MOV10: variants seen among roughly 807,000 people sequenced by gnomAD.
MOV10 encodes Mov10 RNA helicase.
In MOV10, 39 loss-of-function variants were observed where a neutral mutation model predicts 108.4. That is an observed-to-expected ratio of 0.36 (90% CI 0.28 to 0.47). The LOEUF (loss-of-function observed/expected upper bound fraction) is 0.47, where lower values mean the gene tolerates loss of function less well. MOV10 is among the 20% of genes least tolerant of loss of function. MOV10 has a pLI of 1.00. For synonymous variants in MOV10, 490 were observed against 523.1 expected, an observed-to-expected ratio of 0.94 and a Z score of 0.86; for missense variants, 952 against 1,297.6, an observed-to-expected ratio of 0.73 and a Z score of 4.09.
intron 5 of MOV10, among the ~76,000 whole-genome samples, chr1:112,691,149 C>T (rs1186102454): frequency 6.6e-6 from 1 of 152,028 alleles, no homozygotes; most frequent in East Asian, 1.9e-4. Flanking sequence ...GGTGTGGTGG[C>T]GCATGCCTGT....
In MOV10 at chr1:112,698,408, C is replaced by A. The variant is rs146641181; in HGVS notation, c.2438C>A (p.Pro813His). The A allele has an allele frequency of 6.1e-5, 98 of 1,614,102 alleles. No individual in the cohort carries two copies. The highest frequency in any genetic ancestry group is 7.4e-5 in the Non-Finnish European group (87 of 1,180,046). ...VTSYLKLLLA[P>H]SSKKGKARLS... Reference sequence around the variant, plus strand: ...TCCTACCTGAAGCTGCTCCTGGCCCCCTCCTCCAAGAAGGGCAAAGCTCGC... The same window carrying A: ...TCCTACCTGAAGCTGCTCCTGGCCCACTCCTCCAAGAAGGGCAAAGCTCGC... Residue 813 changes from proline (P) to histidine (H), a missense_variant, in exon 16 of 21, where the codon CCC becomes CAC. Physicochemically the swap from Pro to His is moderately conservative, Grantham distance 77. This residue lies in a region of MOV10 where 453 missense variants were observed against 611.5 expected (regional missense o/e 0.74). Coordinates refer to ENST00000369645, the MANE Select transcript of MOV10 (RefSeq NM_001321324.2).
At position 112,696,166 on chromosome 1, in the gene MOV10, G is replaced by A. The variant is rs765842366; in HGVS notation, c.1798G>A (p.Ala600Thr). Residue 600 changes from alanine (A) to threonine (T), a missense_variant, in exon 12 of 21, where the codon GCA becomes ACA. Ala to Thr is a moderately conservative substitution (Grantham distance 58, BLOSUM62 0). This residue lies in a region of MOV10 where 453 missense variants were observed against 611.5 expected (regional missense o/e 0.74). Transcript: ENST00000369645. ...EDIKPCCNWDAKKGEYVFPAK... is the reference protein window; with the variant it reads ...EDIKPCCNWDTKKGEYVFPAK... ...TCCACAGCCCTGCTGCAACTGGGAC[G>A]CAAAGAAGGGGGAGTATGTATTTCC... is the stretch of plus-strand genomic sequence containing the variant. 8 of 1,613,134 alleles carry A rather than the reference G, an allele frequency of 5.0e-6. No homozygotes were observed. In the East Asian group the frequency reaches 6.7e-5, roughly 13 times the overall value.
At chr1:112,690,377 T>G (rs1355685877) in intron 5 of MOV10, among the ~76,000 whole-genome samples, 2 of 152,186 alleles carry the variant, frequency 1.3e-5, no homozygotes, top group African/African-American at 4.8e-5. Context: ...GTTTTTGTTT[T>G]GAGATGGAGT....
intron 2 of MOV10, among the ~76,000 whole-genome samples, chr1:112,677,395 A>G (rs997525232): frequency 5.9e-5 from 9 of 151,578 alleles, no homozygotes; most frequent in Admixed American, 4.6e-4. Context: ...AGATTAAAGA[A>G]CTTGCCTACA....
intron 7 of MOV10, chr1:112,693,757 C>T (rs1673809992): frequency 9.5e-6 from 3 of 315,284 alleles, no homozygotes; most frequent in Admixed American, 4.0e-5. Flanking sequence ...ACTGAGCTGG[C>T]CAAGAGGGCA....
chr1:112,683,661 G>A (rs1250704817), intron 2 of MOV10, among the ~76,000 whole-genome samples: 1 of 152,154 alleles, frequency 6.6e-6, no homozygotes, highest in East Asian at 1.9e-4. Flanking sequence ...ATCCTTACCA[G>A]TGTTTCGTAT....
At chr1:112,677,381 G>GGGTTTTTTTTTTTTT (rs1185163821) in intron 2 of MOV10, among the ~76,000 whole-genome samples, 248 of 151,828 alleles carry the variant, frequency 1.6e-3, no homozygotes, top group African/African-American at 5.2e-3. Context: ...GGAAATGTAT[G>GGGTTTTTTTTTTTTT]TTCAGATTAA....
chr1:112,694,161 C>A lies in MOV10; in HGVS notation c.1284C>A (p.Ser428Arg). 1 of 1,614,090 alleles carries A rather than the reference C, an allele frequency of 6.2e-7. No homozygotes were observed. Among genetic ancestry groups the A allele is most frequent in the South Asian group, 1.1e-5 (1 of 91,076 alleles). ...HKVELDRVKL[S>R]FSMSLLSRFV... ...TGGAATTGGACCGTGTCAAGCTGAG[C>A]TTTTCCATGAGGTGGGTGTTGGGGG... is the stretch of plus-strand genomic sequence containing the variant. Residue 428 changes from serine (S) to arginine (R), a missense_variant, in exon 8 of 21, where the codon AGC becomes AGA. By Grantham distance (110) the Ser-to-Arg change is moderately radical. Transcript: ENST00000369645. The surrounding 1 kb of genome is among the most constrained non-coding windows in gnomAD (Gnocchi z 4.1).
rs1419525833 is a variant in MOV10, at chr1:112,698,878, C to G, written c.2583+89C>G. On this transcript the variant is annotated intron_variant, in intron 17 of 20. Transcript: ENST00000369645. ...ACTTCCTCAAGCTTCCACTCCAGCC[C>G]ACGTCCCCGTCCCACCCCTGCTGCC... 7 of 1,117,858 alleles carry G rather than the reference C, an allele frequency of 6.3e-6. No homozygotes were observed. In the Admixed American group the frequency reaches 1.2e-4, roughly 19 times the overall value. 69.2% of individuals were successfully genotyped at this position (1,117,858 alleles called of 1,614,324 possible). A position where few individuals can be genotyped will look rare whatever the true frequency, so the allele number is the denominator to read the frequency against.
chr1:112,698,890 C>G (rs1196474008), intron 17 of MOV10, 101 bp downstream of exon 17: 4 of 980,132 alleles, frequency 4.1e-6, no homozygotes, highest in Non-Finnish European at 6.6e-6. Flanking sequence ...CGTCCCCGTC[C>G]CACCCCTGCT....
chr1:112,692,095 C>T (rs979794916), intron 6 of MOV10, among the ~76,000 whole-genome samples: 1 of 152,112 alleles, frequency 6.6e-6, no homozygotes, highest in African/African-American at 2.4e-5. Flanking sequence ...TTTGGGAGGC[C>T]GAGGCAGGTG....
chr1:112,698,102 A>C lies in MOV10; in HGVS notation c.2307A>C (p.Leu769=), dbSNP rs779251577. ...AACGCTTCTGCCGCTGGGCGGGCCT[A>C]CCTCGACAGGTGAGGCTGAGCAGGG... The part of the protein sequence containing the change: ...DRERFCRWAG[L]PRQGFPIIFH... The change falls in exon 15 of 21, where the codon CTA becomes CTC. Residue 769 remains leucine (L), a synonymous_variant. Coordinates refer to ENST00000369645, the MANE Select transcript of MOV10 (RefSeq NM_001321324.2). 17 of 1,613,836 alleles carry C rather than the reference A, an allele frequency of 1.1e-5. No individual in the cohort carries two copies. In the South Asian group the frequency reaches 1.6e-4, roughly 16 times the overall value.
chr1:112,688,582 C>G, intron 2 of MOV10: 1 of 1,172,200 alleles, frequency 8.5e-7, no homozygotes, highest in Non-Finnish European at 1.1e-6. Context: ...ATTTTCTTTT[C>G]TGTCCCAAAC....
In MOV10 at chr1:112,698,030, C is replaced by T. The variant is rs1166014903; in HGVS notation, c.2235C>T (p.Leu745=). The T allele has an allele frequency of 1.2e-6, 2 of 1,614,094 alleles. No individual in the cohort carries two copies. The highest frequency in any genetic ancestry group is 1.7e-6 in the Non-Finnish European group (2 of 1,180,044). Residue 745 remains leucine (L), a synonymous_variant, in exon 15 of 21, where the codon CTC becomes CTT. Coordinates refer to ENST00000369645, the MANE Select transcript of MOV10 (RefSeq NM_001321324.2). ...CCATCCTGGACATTCCTAACCAGCT[C>T]TATTATGAAGGGGAGCTGCAGGCCT... The part of the protein sequence containing the change: ...HPTILDIPNQ[L]YYEGELQACA...
intron 10 of MOV10, 99 bp from the exon 11 acceptor site, chr1:112,695,317 C>T (rs1247502554): frequency 3.2e-6 from 4 of 1,238,174 alleles, no homozygotes; most frequent in South Asian, 2.8e-5. Flanking sequence ...CTTGGAGTCA[C>T]CATTCACATT....
chr1:112,693,959 G>T, intron 7 of MOV10, 59 bp from the exon 8 acceptor site: 1 of 1,562,922 alleles, frequency 6.4e-7, no homozygotes, highest in East Asian at 2.2e-5. Context: ...GAACCTGGGG[G>T]CTGGGCCCTC....
intron 2 of MOV10, chr1:112,688,609 A>G (rs1673281427): frequency 2.4e-6 from 3 of 1,225,296 alleles, no homozygotes; most frequent in Admixed American, 3.9e-5. Flanking sequence ...CCCCACAAAA[A>G]GAACTTTATG....
chr1:112,699,059 A>G (rs1674377532), intron 17 of MOV10: 1 of 448,734 alleles, frequency 2.2e-6, no homozygotes, highest in East Asian at 4.0e-5. Flanking sequence ...GATAAAGTCC[A>G]AATTCCGTGG....
chr1:112,694,573 G>A lies in MOV10; in HGVS notation c.1416G>A (p.Met472Ile), dbSNP rs747349653. The A allele has an allele frequency of 1.2e-5, 19 of 1,613,516 alleles. No individual in the cohort carries two copies. Among genetic ancestry groups the A allele is most frequent in the Non-Finnish European group, 1.6e-5 (19 of 1,179,700 alleles). Residue 472 changes from methionine (M) to isoleucine (I), a missense_variant, in exon 9 of 21, where the codon ATG (methionine) becomes ATA (isoleucine). By Grantham distance (10) the Met-to-Ile change is conservative. Transcript: ENST00000369645. This position sits in a 1 kb window ranked among gnomAD's most constrained non-coding sequence, Gnocchi z 4.1. ...CAGGGCGCTGGCTGCTGTGGCCCAT[G>A]CTCTTTCCTGTGGCACCTCGGGACG... Reference protein sequence around the residue: ...ELTGRWLLWPMLFPVAPRDVP... With the variant: ...ELTGRWLLWPILFPVAPRDVP...
Sources: allele counts gnomAD v4.1 joint callset (sites outside exome capture counted in the v4.1 genomes callset), GRCh38; gene constraint gnomAD v4.1.1; regional missense constraint gnomAD v4.1.1; non-coding constraint Gnocchi (gnomAD v3.1); transcripts MANE v1.5; gene names NCBI Gene and HGNC (gene_info 2026-07-23, HGNC 2026-07-21).